The following BANP variants were observed in gnomAD, a reference collection of about 807,000 sequenced individuals.
The protein encoded by BANP is BTG3 associated nuclear protein.
Under a neutral mutation model 68.1 loss-of-function variants are expected in BANP, and 11 were observed. The ratio of observed to expected loss-of-function variants is 0.16; its 90% CI spans 0.10 to 0.27. The LOEUF (loss-of-function observed/expected upper bound fraction) is 0.27. BANP is among the 10% of genes least tolerant of loss of function. The probability of loss-of-function intolerance (pLI) is 1.00; values close to 1 mark genes in which losing one functional copy is unlikely to be tolerated. For synonymous variants in BANP, 329 were observed against 303.2 expected (o/e 1.09, Z -0.88); for missense variants, 504 against 722.7 (o/e 0.70, Z 3.47).
At chr16:88,075,263 T>C (rs2091334900) in intron 13 of BANP, among the ~76,000 whole-genome samples, 1 of 152,226 alleles carries the variant, frequency 6.6e-6, no homozygotes, top group South Asian at 2.1e-4. Context: ...GGAGAACTGC[T>C]TGAACCCGGG....
chr16:88,072,260 C>T (rs2090533781), intron 13 of BANP, 48 bp downstream of exon 13: 2 of 1,559,082 alleles, frequency 1.3e-6, no homozygotes, highest in African/African-American at 1.4e-5. Flanking sequence ...GGCATGGCCG[C>T]CTGCCGCTGC....
At chr16:87,951,232 C>T (rs947240070), upstream of BANP, among the ~76,000 whole-genome samples, 2 of 152,140 alleles carry the variant, frequency 1.3e-5, no homozygotes, top group Admixed American at 1.3e-4. Context: ...GGGCGAAAAA[C>T]GGGGGGAAAA....
chr16:87,978,130 C>T (rs2062548778), intron 2 of BANP, among the ~76,000 whole-genome samples: 1 of 152,188 alleles, frequency 6.6e-6, no homozygotes, highest in Non-Finnish European at 1.5e-5. Flanking sequence ...GCCACCGCAT[C>T]CAGCCTGATT....
At chr16:88,041,408 C>T (rs2080760369) in intron 11 of BANP, among the ~76,000 whole-genome samples, 1 of 152,116 alleles carries the variant, frequency 6.6e-6, no homozygotes, top group Non-Finnish European at 1.5e-5. Flanking sequence ...GCCAGGGGAC[C>T]ATTCTTTTTG....
intron 11 of BANP, among the ~76,000 whole-genome samples, chr16:88,047,778 G>A (rs2082345275): frequency 6.6e-6 from 1 of 152,228 alleles, no homozygotes; most frequent in South Asian, 2.1e-4. Flanking sequence ...AGTGAGCTAG[G>A]AATGTGGTAC....
chr16:87,980,176 C>G (rs1475170972), intron 2 of BANP, among the ~76,000 whole-genome samples: 1 of 152,282 alleles, frequency 6.6e-6, no homozygotes, highest in East Asian at 1.9e-4. Context: ...ACTCATGACA[C>G]AATGTACAAT....
At chr16:88,014,029 G>T (rs528114935) in intron 6 of BANP, among the ~76,000 whole-genome samples, 5 of 152,220 alleles carry the variant, frequency 3.3e-5, no homozygotes, top group Non-Finnish European at 7.3e-5. Context: ...GGTCCTGCTG[G>T]ACACTCCAGG....
intron 3 of BANP, among the ~76,000 whole-genome samples, chr16:87,982,384 C>T (rs1259279894): frequency 6.6e-6 from 1 of 152,010 alleles, no homozygotes; most frequent in Non-Finnish European, 1.5e-5. Flanking sequence ...ATTTGTAATT[C>T]AGAATTAAAA....
chr16:87,951,243 A>C (rs895806186), upstream of BANP, among the ~76,000 whole-genome samples: 7 of 152,154 alleles, frequency 4.6e-5, no homozygotes, highest in African/African-American at 1.4e-4. Flanking sequence ...GGGGGGAAAA[A>C]AGCCCTGGGA....
intron 7 of BANP, among the ~76,000 whole-genome samples, chr16:88,023,534 C>T (rs556014421): frequency 6.6e-6 from 1 of 151,614 alleles, no homozygotes; most frequent in Admixed American, 6.6e-5. Flanking sequence ...TGTTGGCACT[C>T]GGTTTTGTGG....
chr16:88,065,876 C>G (rs776786285), intron 12 of BANP, among the ~76,000 whole-genome samples: 1 of 152,134 alleles, frequency 6.6e-6, no homozygotes, highest in Non-Finnish European at 1.5e-5. Flanking sequence ...ACAGTGTCCC[C>G]AGCGGAGCAG....
intron 6 of BANP, among the ~76,000 whole-genome samples, chr16:88,011,922 T>C (rs1172240563): frequency 6.6e-6 from 1 of 152,364 alleles, no homozygotes; most frequent in East Asian, 1.9e-4. Flanking sequence ...GCATCCGTTA[T>C]GTGATATCGT....
At chr16:88,032,993 A>C in intron 8 of BANP, 116 bp from the exon 9 acceptor site, 1 of 1,181,656 alleles carries the variant, frequency 8.5e-7, no homozygotes, top group Non-Finnish European at 1.2e-6. Flanking sequence ...AAAATGAAGC[A>C]TTTCCTCTTC....
intron 11 of BANP, among the ~76,000 whole-genome samples, chr16:88,042,258 G>A (rs1426754090): frequency 6.6e-6 from 1 of 152,262 alleles, no homozygotes; most frequent in Non-Finnish European, 1.5e-5. Context: ...AGCACCAGAG[G>A]CTTCATAAAG....
chr16:88,044,848 G>T (rs1354731508), intron 11 of BANP, among the ~76,000 whole-genome samples: 1 of 152,164 alleles, frequency 6.6e-6, no homozygotes, highest in Non-Finnish European at 1.5e-5. Flanking sequence ...CCGGTGCGGT[G>T]GCAGGCGCCT....
At chr16:87,997,679 G>C (rs1248447139) in intron 4 of BANP, among the ~76,000 whole-genome samples, 1 of 150,744 alleles carries the variant, frequency 6.6e-6, no homozygotes, top group African/African-American at 2.5e-5. Flanking sequence ...GAGACCATGT[G>C]TTCGTGGTAA....
chr16:87,954,933 C>T lies in BANP; in HGVS notation c.-69+3418C>T, dbSNP rs763765302. ...GGCCTTGGTAATTGCCCACAGTCAA[C>T]GGGGTGAGGTGCCAAGCCGCCGTTC... On this transcript the variant is annotated intron_variant, in intron 1 of 13. Coordinates refer to ENST00000682872, the MANE Select transcript of BANP (RefSeq NM_001386991.1). Among the ~76,000 whole-genome samples the T allele has an allele frequency of 4.6e-5, 7 of 152,348 alleles. 1 individual carries two copies. Among genetic ancestry groups the T allele is most frequent in the South Asian group, 4.1e-4 (2 of 4,834 alleles).
At chr16:87,986,749 C>T (rs746956586) in intron 4 of BANP, among the ~76,000 whole-genome samples, 28 of 152,120 alleles carry the variant, frequency 1.8e-4, no homozygotes, top group African/African-American at 3.4e-4. Flanking sequence ...CACAGACCTG[C>T]GGTGGTTGTC....
chr16:88,056,638 G>A (rs1361373348), intron 11 of BANP, among the ~76,000 whole-genome samples: 2 of 152,178 alleles, frequency 1.3e-5, no homozygotes, highest in Non-Finnish European at 2.9e-5. Flanking sequence ...CTTCACGCTG[G>A]CCCCTGCACT....
Sources: gnomAD v4.1 joint callset for allele counts (sites outside exome capture counted in the v4.1 genomes callset) on GRCh38, gnomAD v4.1.1 for gene constraint, MANE v1.5 for transcripts, NCBI Gene and HGNC (gene_info 2026-07-23, HGNC 2026-07-21) for gene names.